PUM3: variants seen among roughly 807,000 people sequenced by gnomAD.
The protein encoded by PUM3 is pumilio RNA binding family member 3.
PUM3 carries 91 observed loss-of-function variants against 84.0 expected under a neutral mutation model. That is an observed-to-expected ratio of 1.08 (90% CI 0.91 to 1.29). The LOEUF (loss-of-function observed/expected upper bound fraction) is 1.29, where lower values mean the gene tolerates loss of function less well. PUM3 is among the 50% of genes most tolerant of loss of function. The probability of loss-of-function intolerance (pLI) is 0.00; values close to 1 mark genes in which losing one functional copy is unlikely to be tolerated. For missense variants in PUM3, 1,067 were observed against 767.5 expected, an observed-to-expected ratio of 1.39 and a Z score of -4.61; for synonymous variants, 321 against 266.7, an observed-to-expected ratio of 1.20 and a Z score of -1.98.
chr9:2,842,429 T>G (rs559399052), intron 1 of PUM3, among the ~76,000 whole-genome samples: 1 of 152,322 alleles, frequency 6.6e-6, no homozygotes, highest in South Asian at 2.1e-4. Flanking sequence ...AAATGTGGTC[T>G]TAATTCACCC....
At chr9:2,820,907 A>G (rs1476140785) in intron 12 of PUM3, among the ~76,000 whole-genome samples, 5 of 152,210 alleles carry the variant, frequency 3.3e-5, no homozygotes, top group Non-Finnish European at 7.3e-5. Flanking sequence ...AAACAAAAGA[A>G]AACAAAAACC....
rs1815917463 is a variant in PUM3, at chr9:2,829,627, G to C, written c.852+147C>G. On this transcript the variant is annotated intron_variant, in intron 8 of 17. Coordinates refer to ENST00000397885, the MANE Select transcript of PUM3 (RefSeq NM_014878.5). ...CTCACTATACCAGAAACAAAATAAA[G>C]CATGAGGGAAAATCAAGGGCATAAG... 1.1e-5 allele frequency: 7 copies of C among 661,968 alleles called. No homozygotes were observed. The East Asian group carries it at 1.9e-4, about 18-fold the overall frequency. The allele number at this position is 661,968 out of a possible 1,614,324, so 41.0% of individuals were successfully genotyped here.
intron 13 of PUM3, among the ~76,000 whole-genome samples, chr9:2,815,283 C>G (rs1821448392): frequency 6.6e-6 from 1 of 152,152 alleles, no homozygotes; most frequent in Non-Finnish European, 1.5e-5. Context: ...TAATCCTTCC[C>G]CAGCTCACCC....
Position 2,829,924 on chromosome 9 carries a change from T to G in PUM3, c.702A>C (p.Ile234=), listed in dbSNP as rs1231313904. ...MYGSKPQIAE[I]IRSFKGHVRK... ...TCACGTGGCCTTTAAAACTTCTGATTATCTCTGCAATCTGTGGTTTACTTC... is the reference window on the plus strand; with the variant it reads ...TCACGTGGCCTTTAAAACTTCTGATGATCTCTGCAATCTGTGGTTTACTTC... The change falls in exon 8 of 18, where the codon ATA becomes ATC. Residue 234 remains isoleucine (I), a synonymous_variant. Transcript: ENST00000397885. 6.2e-7 allele frequency: 1 copy of G among 1,613,354 alleles called. No homozygotes were observed. The highest frequency in any genetic ancestry group is 1.1e-5 in the South Asian group (1 of 91,028).
rs547412807 is a variant in PUM3 at position 2,829,789 on chromosome 9, T to C, written c.837A>G (p.Thr279=). The C allele has an allele frequency of 3.2e-5, 51 of 1,611,866 alleles. 1 individual carries two copies. In the South Asian group the frequency reaches 5.2e-4, roughly 16 times the overall value. Residue 279 remains threonine (T), a synonymous_variant, in exon 8 of 18, where the codon ACA becomes ACG. Coordinates refer to ENST00000397885, the MANE Select transcript of PUM3 (RefSeq NM_014878.5). Reference sequence around the variant, plus strand: ...GAGATGTCACCTTGTAAAGCTGAAATGTGTTCCCATAGAGCTCTTCCGTCA... The same window carrying C: ...GAGATGTCACCTTGTAAAGCTGAAACGTGTTCCCATAGAGCTCTTCCGTCA... ...NMLTEELYGN[T]FQLYKSADHR...
In PUM3 at chr9:2,833,382, T is replaced by C. The variant is rs1262244059; in HGVS notation, c.491A>G (p.Lys164Arg). ...AGTTTTAATTTTCCCTTGAATCAAC[T>C]TCTGCAAATCACTCATTAACTTTAC... The part of the protein sequence containing the change: ...KRVKLMSDLQ[K>R]LIQGKIKTIA... Residue 164 changes from lysine to arginine, a missense_variant, in exon 5 of 18, where the codon AAG becomes AGG. Coordinates refer to ENST00000397885, the MANE Select transcript of PUM3 (RefSeq NM_014878.5). 6.3e-7 allele frequency: 1 copy of C among 1,593,896 alleles called. No homozygotes were observed. The highest frequency in any genetic ancestry group is 8.6e-7 in the Non-Finnish European group (1 of 1,164,094).
rs370520518 is a variant in PUM3, at chr9:2,821,385, A to C, written c.1189-1287T>G. ...CGTGAACCTGGGAGGCGGAGCTTGC[A>C]GTGAGCCCAGATCGCGCCACGGCAC... On this transcript the variant is annotated intron_variant, in intron 12 of 17. Transcript: ENST00000397885. 2.8e-4 allele frequency among the ~76,000 whole-genome samples: 41 copies of C among 145,864 alleles called. 1 individual carries two copies. Among genetic ancestry groups the C allele is most frequent in the African/African-American group, 9.6e-4 (38 of 39,442 alleles).
intron 1 of PUM3, among the ~76,000 whole-genome samples, chr9:2,839,530 A>T (rs1348436644): frequency 6.6e-6 from 1 of 152,238 alleles, no homozygotes; most frequent in Non-Finnish European, 1.5e-5. Context: ...TCAATTCTCA[A>T]GCAAAGGCTA....
intron 8 of PUM3, among the ~76,000 whole-genome samples, chr9:2,829,086 A>C (rs189557926): frequency 1.1e-3 from 175 of 152,312 alleles, no homozygotes; most frequent in African/African-American, 4.1e-3. Flanking sequence ...TTGCCACCAT[A>C]TGTTTTATAA....
intron 17 of PUM3, among the ~76,000 whole-genome samples, chr9:2,807,110 A>C (rs752404518): frequency 2.6e-5 from 4 of 152,118 alleles, no homozygotes; most frequent in Non-Finnish European, 5.9e-5. Flanking sequence ...CAGGAGGCTG[A>C]GGCAGGAGAA....
rs146797511 is a variant in PUM3, at chr9:2,820,080, C to T, written c.1207G>A (p.Val403Ile). Residue 403 changes from valine to isoleucine, a missense_variant, in exon 13 of 18, where the codon GTT (valine) becomes ATT (isoleucine). By Grantham distance (29) the Val-to-Ile change is conservative. Coordinates refer to ENST00000397885, the MANE Select transcript of PUM3 (RefSeq NM_014878.5). Reference protein sequence around the residue: ...KVANGQYSHLVLLAAFDCIDD... With the variant: ...KVANGQYSHLILLAAFDCIDD... The stretch of plus-strand genomic sequence containing the variant: ...ATACAATCAAATGCCGCCAGTAAAA[C>T]CAAATGGGAGTATTGGCCCTGCAAG... The T allele has an allele frequency of 4.8e-5, 78 of 1,611,674 alleles. No homozygotes were observed. In the African/African-American group the frequency reaches 7.6e-4, roughly 16 times the overall value.
chr9:2,840,141 T>A (rs1031266625), intron 1 of PUM3, among the ~76,000 whole-genome samples: 1 of 152,220 alleles, frequency 6.6e-6, no homozygotes, highest in Non-Finnish European at 1.5e-5. Context: ...TTTCTTCTGG[T>A]AGTACTCTAT....
chr9:2,805,056 A>G (rs1821233244), intron 17 of PUM3, among the ~76,000 whole-genome samples: 1 of 152,218 alleles, frequency 6.6e-6, no homozygotes, highest in African/African-American at 2.4e-5. Flanking sequence ...CAGTAACTGT[A>G]CAACCAAGAG....
intron 16 of PUM3, among the ~76,000 whole-genome samples, chr9:2,809,395 A>C (rs991968128): frequency 6.6e-6 from 1 of 152,212 alleles, no homozygotes; most frequent in African/African-American, 2.4e-5. Context: ...TCAACTTTTT[A>C]ATAATGAAAA....
chr9:2,817,743 T>C (rs537475073), intron 13 of PUM3, among the ~76,000 whole-genome samples: 4 of 152,328 alleles, frequency 2.6e-5, no homozygotes, highest in African/African-American at 9.6e-5. Flanking sequence ...AAACTTGAAC[T>C]GTATTTGTCA....
chr9:2,840,206 C>G (rs996890066), intron 1 of PUM3, among the ~76,000 whole-genome samples: 1 of 152,202 alleles, frequency 6.6e-6, no homozygotes, highest in Non-Finnish European at 1.5e-5. Flanking sequence ...ACCGTGTTCA[C>G]TTGGTCAAAG....
Position 2,804,480 on chromosome 9 carries a change from A to G in PUM3, c.1815-17T>C. On this transcript the variant is annotated splice_polypyrimidine_tract_variant and intron_variant, in intron 17 of 17. Coordinates refer to ENST00000397885, the MANE Select transcript of PUM3 (RefSeq NM_014878.5). ...TGGAGGAGGCTGAAGAGAGGAAAAAAATTAAATTTCATAAGCATTCCTAGA... is the reference window on the plus strand; with the variant it reads ...TGGAGGAGGCTGAAGAGAGGAAAAAGATTAAATTTCATAAGCATTCCTAGA... 6.2e-7 allele frequency: 1 copy of G among 1,604,606 alleles called. No individual in the cohort carries two copies. Among genetic ancestry groups the G allele is most frequent in the Non-Finnish European group, 8.5e-7 (1 of 1,176,936 alleles).
At chr9:2,819,672 A>G (rs1322587446) in intron 13 of PUM3, among the ~76,000 whole-genome samples, 2 of 152,212 alleles carry the variant, frequency 1.3e-5, no homozygotes, top group African/African-American at 4.8e-5. Context: ...AGGAATTACT[A>G]TGCTAGTTTC....
intron 16 of PUM3, chr9:2,808,119 T>G (rs1021989055): frequency 2.0e-6 from 1 of 509,594 alleles, no homozygotes; most frequent in African/African-American, 1.9e-5. Context: ...ATCCAAAACC[T>G]AAGCTATGTT....
Sources: gnomAD v4.1 joint callset for allele counts (sites outside exome capture counted in the v4.1 genomes callset) on GRCh38, gnomAD v4.1.1 for gene constraint, MANE v1.5 for transcripts, NCBI Gene and HGNC (gene_info 2026-07-23, HGNC 2026-07-21) for gene names.